Variants in RASEF observed in about 807,000 individuals in gnomAD.
RASEF encodes the protein ras and EF-hand domain-containing protein.
RASEF carries 68 observed loss-of-function variants against 90.1 expected under a neutral mutation model. That is an observed-to-expected ratio of 0.75 (90% confidence interval 0.62 to 0.92). The LOEUF is 0.92. RASEF is among the 40% of genes least tolerant of loss of function. The pLI is 0.00. For synonymous variants in RASEF, 331 were observed against 345.2 expected, an observed-to-expected ratio of 0.96 and a Z score of 0.46; for missense variants, 949 against 937.2, an observed-to-expected ratio of 1.01 and a Z score of -0.16.
the RASEF span, among the ~76,000 whole-genome samples, chr9:83,077,416 T>C: frequency 6.6e-6 from 1 of 152,198 alleles, no homozygotes; most frequent in African/African-American, 2.4e-5. Flanking sequence ...TCATTAAATA[T>C]ACTTTTTACG....
At chr9:83,010,882 T>C (rs761193499) in intron 5 of RASEF, among the ~76,000 whole-genome samples, 23 of 152,020 alleles carry the variant, frequency 1.5e-4, no homozygotes, top group Non-Finnish European at 3.1e-4. Flanking sequence ...CCAGCTACCT[T>C]AAGTGACCAA....
the RASEF span, among the ~76,000 whole-genome samples, chr9:83,182,482 A>G: frequency 1.3e-5 from 2 of 152,224 alleles, no homozygotes; most frequent in Non-Finnish European, 2.9e-5. Flanking sequence ...ACAACCAAAA[A>G]TTACACTGTA....
chr9:83,210,069 TA>T, the RASEF span, among the ~76,000 whole-genome samples: 3 of 152,208 alleles, frequency 2.0e-5, no homozygotes, highest in Admixed American at 6.5e-5. Context: ...GTTCTGGAAG[TA>T]ACAGATATTT....
At chr9:83,088,372 G>GGACAGATA in the RASEF span, among the ~76,000 whole-genome samples, 1 of 147,478 alleles carries the variant, frequency 6.8e-6, no homozygotes, top group Non-Finnish European at 1.5e-5. Context: ...ATAGATAGAT[G>GGACAGATA]GATAGATAGA....
At chr9:83,055,426 T>C (rs1447026327) in intron 1 of RASEF, 2 of 605,354 alleles carry the variant, frequency 3.3e-6, no homozygotes, top group East Asian at 3.0e-5. Context: ...GCGCACACAC[T>C]GGCCTGCGCC....
intron 2 of RASEF, among the ~76,000 whole-genome samples, chr9:83,022,684 A>C (rs1829465552): frequency 6.6e-6 from 1 of 152,110 alleles, no homozygotes; most frequent in Non-Finnish European, 1.5e-5. Context: ...TGTCTTTAGG[A>C]GATTTTTGTC....
chr9:83,077,650 T>C, the RASEF span, among the ~76,000 whole-genome samples: 1 of 152,196 alleles, frequency 6.6e-6, no homozygotes, highest in African/African-American at 2.4e-5. Flanking sequence ...TTGAGATTAT[T>C]AGAGAAATAA....
the RASEF span, among the ~76,000 whole-genome samples, chr9:83,180,307 T>G: frequency 1.3e-5 from 2 of 152,038 alleles, no homozygotes; most frequent in African/African-American, 2.4e-5. Flanking sequence ...AAGGCAAGTA[T>G]GTCTAAGGAG....
At chr9:83,082,129 T>C in the RASEF span, among the ~76,000 whole-genome samples, 2 of 152,154 alleles carry the variant, frequency 1.3e-5, no homozygotes, top group East Asian at 3.9e-4. Context: ...ATTAGTATGA[T>C]CTTGGCCCTT....
the RASEF span, among the ~76,000 whole-genome samples, chr9:83,142,434 A>G: frequency 6.6e-6 from 1 of 152,230 alleles, no homozygotes; most frequent in Non-Finnish European, 1.5e-5. Flanking sequence ...TGCATTTTAG[A>G]TAGTTTGATT....
At chr9:83,172,341 T>A in the RASEF span, among the ~76,000 whole-genome samples, 3 of 151,816 alleles carry the variant, frequency 2.0e-5, no homozygotes, top group African/African-American at 7.2e-5. Context: ...ACTCTACATC[T>A]TTTAATTGGA....
chr9:83,201,254 C>T, the RASEF span: 9 of 152,294 alleles, frequency 5.9e-5, no homozygotes, highest in Non-Finnish European at 1.2e-4. Flanking sequence ...TTCTCCTCCA[C>T]ACAGCCCACT....
intron 14 of RASEF, among the ~76,000 whole-genome samples, chr9:82,995,144 C>T (rs556119608): frequency 3.3e-5 from 5 of 152,172 alleles, no homozygotes; most frequent in Non-Finnish European, 4.4e-5. Flanking sequence ...ATACCAATGG[C>T]GGAAAAGATG....
At chr9:83,144,426 G>GAA in the RASEF span, among the ~76,000 whole-genome samples, 2 of 136,444 alleles carry the variant, frequency 1.5e-5, no homozygotes, top group African/African-American at 5.7e-5. Flanking sequence ...GAAAAGAAAA[G>GAA]AAAGAAAGGA....
chr9:83,028,911 G>A (rs994881021), intron 1 of RASEF, among the ~76,000 whole-genome samples: 1 of 152,056 alleles, frequency 6.6e-6, no homozygotes, highest in Non-Finnish European at 1.5e-5. Context: ...TAGGAACCCA[G>A]ACATACACAC....
the RASEF span, among the ~76,000 whole-genome samples, chr9:83,192,992 G>A: frequency 6.6e-6 from 1 of 152,238 alleles, no homozygotes; most frequent in African/African-American, 2.4e-5. Context: ...AGCTCCAGCA[G>A]TTAAATGAAT....
At chr9:83,187,499 A>G in the RASEF span, among the ~76,000 whole-genome samples, 1 of 152,126 alleles carries the variant, frequency 6.6e-6, no homozygotes, top group African/African-American at 2.4e-5. Context: ...AAAAGTCATG[A>G]CCTAAGGATG....
At chr9:83,122,160 C>T in the RASEF span, among the ~76,000 whole-genome samples, 3 of 152,312 alleles carry the variant, frequency 2.0e-5, no homozygotes, top group African/African-American at 4.8e-5. Context: ...CACCCACATC[C>T]GTGGCCCTGG....
the RASEF span, among the ~76,000 whole-genome samples, chr9:83,183,853 A>G: frequency 2.0e-5 from 3 of 152,198 alleles, no homozygotes; most frequent in Admixed American, 2.0e-4. Context: ...TCCCTCTGGG[A>G]GGGCTTTGGT....
Sources: gnomAD v4.1 joint callset for allele counts (sites outside exome capture counted in the v4.1 genomes callset) on GRCh38, gnomAD v4.1.1 for gene constraint, MANE v1.5 for transcripts, NCBI Gene and HGNC (gene_info 2026-07-23, HGNC 2026-07-21) for gene names.